Variants in SPECC1L observed in about 807,000 individuals in gnomAD.
SPECC1L encodes cytospin-A.
A neutral mutation model predicts 116.8 loss-of-function variants in SPECC1L; 40 were observed. That is an observed-to-expected ratio of 0.34 (90% confidence interval 0.27 to 0.45). The LOEUF is 0.45. Among genes scored for constraint, SPECC1L ranks in the 20% least tolerant of loss-of-function variants. The probability of loss-of-function intolerance (pLI) is 1.00; values close to 1 mark genes in which losing one functional copy is unlikely to be tolerated. For missense variants in SPECC1L, 1,110 were observed against 1,373.6 expected, an observed-to-expected ratio of 0.81 and a Z score of 3.03; for synonymous variants, 504 against 500.6, an observed-to-expected ratio of 1.01 and a Z score of -0.09.
intron 3 of SPECC1L, among the ~76,000 whole-genome samples, chr22:24,302,812 A>G (rs960417376): frequency 3.3e-5 from 5 of 152,276 alleles, no homozygotes; most frequent in African/African-American, 2.4e-5. Flanking sequence ...GGAAGGTTTT[A>G]TGAAAAGGTC....
chr22:24,296,825 C>T (rs1437875665), intron 2 of SPECC1L, among the ~76,000 whole-genome samples: 1 of 152,108 alleles, frequency 6.6e-6, no homozygotes, highest in African/African-American at 2.4e-5. Flanking sequence ...GTGATTGTCT[C>T]AGTGGTTGGT....
intron 3 of SPECC1L, among the ~76,000 whole-genome samples, chr22:24,309,260 C>T (rs1328284121): frequency 1.3e-5 from 2 of 152,170 alleles, no homozygotes. Context: ...CTTTCCACAT[C>T]CTATAATTGT....
At chr22:24,398,762 T>G (rs2042413911) in intron 14 of SPECC1L, among the ~76,000 whole-genome samples, 1 of 152,110 alleles carries the variant, frequency 6.6e-6, no homozygotes, top group African/African-American at 2.4e-5. Flanking sequence ...GCCTAATTAG[T>G]TTCTCCTCAA....
chr22:24,374,013 A>G (rs1281587878), intron 14 of SPECC1L, among the ~76,000 whole-genome samples: 2 of 152,236 alleles, frequency 1.3e-5, no homozygotes, highest in Non-Finnish European at 2.9e-5. Flanking sequence ...CAAAAGACAC[A>G]TGAAAAAATG....
intron 14 of SPECC1L, 127 bp from the exon 15 acceptor site, chr22:24,411,461 C>T: frequency 1.2e-6 from 1 of 850,244 alleles, no homozygotes; most frequent in Admixed American, 1.7e-5. Context: ...GACACAGCCG[C>T]CCTGCCCTGG....
chr22:24,374,632 G>C (rs1177917895), intron 14 of SPECC1L, among the ~76,000 whole-genome samples: 1 of 120,808 alleles, frequency 8.3e-6, no homozygotes. Context: ...TGTGGGGTGG[G>C]GGGAGGGGGG....
chr22:24,363,688 TAAAAG>T (rs1284038122), intron 12 of SPECC1L, among the ~76,000 whole-genome samples: 10 of 152,296 alleles, frequency 6.6e-5, no homozygotes, highest in African/African-American at 2.2e-4. Context: ...GCACACCACT[TAAAAG>T]AAACTACTGA....
At chr22:24,390,867 C>CTTTTTTTT (rs1556306072) in intron 14 of SPECC1L, among the ~76,000 whole-genome samples, 16 of 47,612 alleles carry the variant, frequency 3.4e-4, no homozygotes, top group Admixed American at 5.7e-4. Flanking sequence ...TTTTTTTTTT[C>CTTTTTTTT]TTTTCTTTTT....
At chr22:24,408,020 C>T (rs2146806474) in intron 14 of SPECC1L, among the ~76,000 whole-genome samples, 1 of 152,298 alleles carries the variant, frequency 6.6e-6, no homozygotes, top group East Asian at 1.9e-4. Flanking sequence ...GGGTGAGTGT[C>T]TTGGCCTCTC....
chr22:24,397,533 T>A (rs1053429800), intron 14 of SPECC1L, among the ~76,000 whole-genome samples: 4 of 152,170 alleles, frequency 2.6e-5, no homozygotes, highest in South Asian at 2.1e-4. Flanking sequence ...GTGATCTTCC[T>A]CTGAAATACC....
At chr22:24,384,749 C>G (rs908947348) in intron 14 of SPECC1L, among the ~76,000 whole-genome samples, 10 of 152,016 alleles carry the variant, frequency 6.6e-5, no homozygotes, top group African/African-American at 2.4e-4. Flanking sequence ...TATAAAACAC[C>G]AGATTTTGAA....
Position 24,322,887 on chromosome 22 carries a change from A to C in SPECC1L, c.1907A>C (p.Asp636Ala). The C allele has an allele frequency of 6.2e-7, 1 of 1,613,944 alleles. No individual in the cohort carries two copies. Among genetic ancestry groups the C allele is most frequent in the South Asian group, 1.1e-5 (1 of 91,058 alleles). The change falls in exon 5 of 17, where the codon GAT becomes GCT. Residue 636 changes from aspartate (D) to alanine (A), a missense_variant. Around this residue, in one of 4 missense-constraint regions of SPECC1L, gnomAD observed 575 missense variants for 682.4 expected, o/e 0.84. Coordinates refer to ENST00000314328, the MANE Select transcript of SPECC1L (RefSeq NM_015330.6). ...GAAGATCTGGCTCATACCCGAAATG[A>C]TGCCAATCGATTACAGGATGCCATT... The part of the protein sequence containing the change: ...LQEDLAHTRN[D>A]ANRLQDAIAK...
chr22:24,386,210 A>G (rs1427164530), intron 14 of SPECC1L, among the ~76,000 whole-genome samples: 1 of 152,164 alleles, frequency 6.6e-6, no homozygotes, highest in Non-Finnish European at 1.5e-5. Context: ...AAAAATATTT[A>G]TAGTGGACAT....
intron 14 of SPECC1L, 24 bp downstream of exon 14, chr22:24,369,344 C>T (rs1229161610): frequency 6.4e-7 from 1 of 1,573,300 alleles, no homozygotes; most frequent in Admixed American, 1.7e-5. Flanking sequence ...TCTTTTGTCC[C>T]ATGTGAGTAA....
chr22:24,292,489 T>C lies in SPECC1L; in HGVS notation c.-37-9706T>C, dbSNP rs28505491. 8.6e-3 allele frequency among the ~76,000 whole-genome samples: 1,310 copies of C among 152,326 alleles called. 19 individuals are homozygous for C. The highest frequency in any genetic ancestry group is 0.03 in the African/African-American group (1,248 of 41,550). ...CAAGAACTCTATAAACTAGATTTTA[T>C]CAGTTCTTTTTTATAGGAGAAGAAA... On this transcript the variant is annotated intron_variant, in intron 2 of 16. Coordinates refer to ENST00000314328, the MANE Select transcript of SPECC1L (RefSeq NM_015330.6).
intron 10 of SPECC1L, among the ~76,000 whole-genome samples, chr22:24,341,040 T>A (rs1262745687): frequency 6.6e-6 from 1 of 152,162 alleles, no homozygotes; most frequent in African/African-American, 2.4e-5. Context: ...CCACAGTCTT[T>A]TCCTGGAGGC....
In SPECC1L at chr22:24,417,066, C is replaced by T. The variant is rs956127388; in HGVS notation, c.*2443C>T. ...AGTGACATTTGGAGATGCTCTCAGT[C>T]CTGTGGCATCTGGCACGAAGTCTCC... On this transcript the variant is annotated 3_prime_UTR_variant, in exon 17 of 17. Coordinates refer to ENST00000314328, the MANE Select transcript of SPECC1L (RefSeq NM_015330.6). 2.0e-5 allele frequency: 3 copies of T among 152,446 alleles called. No homozygotes were observed. The highest frequency in any genetic ancestry group is 7.2e-5 in the African/African-American group (3 of 41,430). 9.4% of individuals were successfully genotyped at this position (152,446 alleles called of 1,614,324 possible).
chr22:24,308,291 G>A (rs558902475), intron 3 of SPECC1L, among the ~76,000 whole-genome samples: 2 of 152,178 alleles, frequency 1.3e-5, no homozygotes, highest in Non-Finnish European at 2.9e-5. Flanking sequence ...TTCTGGCCCA[G>A]TATCCAATCC....
intron 14 of SPECC1L, among the ~76,000 whole-genome samples, chr22:24,402,044 CCAACACCTGGG>C (rs2042486863): frequency 6.6e-6 from 1 of 151,892 alleles, no homozygotes; most frequent in Non-Finnish European, 1.5e-5. Context: ...CATGTAAGTA[CCAACACCTGGG>C]CTCCATGATG....
Sources: gnomAD v4.1 joint callset for allele counts (sites outside exome capture counted in the v4.1 genomes callset) on GRCh38, gnomAD v4.1.1 for gene constraint, gnomAD v4.1.1 regional missense constraint, MANE v1.5 for transcripts, NCBI Gene and HGNC (gene_info 2026-07-23, HGNC 2026-07-21) for gene names.